TRAF3: variants seen among roughly 807,000 people sequenced by gnomAD.
TRAF3 encodes the protein TNF receptor-associated factor 3.
Under a neutral mutation model 62.3 loss-of-function variants are expected in TRAF3, and 13 were observed. The observed-to-expected ratio is 0.21, with a 90% CI of 0.14 to 0.33. TRAF3 has a LOEUF of 0.33. Ranked by LOEUF, TRAF3 falls within the 10% of genes least tolerant of loss-of-function variation. The pLI is 1.00. For missense variants in TRAF3, 440 were observed against 741.8 expected (o/e 0.59, Z 4.73); for synonymous variants, 269 against 283.4 (o/e 0.95, Z 0.51).
intron 1 of TRAF3, among the ~76,000 whole-genome samples, chr14:102,825,221 G>A (rs1008904576): frequency 6.6e-6 from 1 of 152,264 alleles, no homozygotes; most frequent in Non-Finnish European, 1.5e-5. Flanking sequence ...CTTTGCTGGA[G>A]CACCCACTGG....
chr14:102,843,365 C>T (rs1886494249), intron 2 of TRAF3, among the ~76,000 whole-genome samples: 1 of 151,966 alleles, frequency 6.6e-6, no homozygotes, highest in African/African-American at 2.4e-5. Flanking sequence ...GAGACAGGAT[C>T]TCACTCTAGT....
chr14:102,798,469 C>A (rs1438943442), intron 1 of TRAF3, among the ~76,000 whole-genome samples: 5 of 152,174 alleles, frequency 3.3e-5, no homozygotes, highest in African/African-American at 1.2e-4. Context: ...GAGACCTCAT[C>A]TCTATAAAAC....
intron 5 of TRAF3, 106 bp from the exon 6 acceptor site, chr14:102,876,252 G>T (rs994411546): frequency 1.6e-6 from 2 of 1,269,520 alleles, no homozygotes; most frequent in Non-Finnish European, 1.1e-6. Context: ...TCTAACAGCA[G>T]ATGAGAAACA....
At chr14:102,895,000 C>T (rs996237748) in intron 9 of TRAF3, 7 of 447,292 alleles carry the variant, frequency 1.6e-5, no homozygotes, top group African/African-American at 1.0e-4. Context: ...TCACAGCTGG[C>T]CTATTGACAA....
chr14:102,820,390 G>T (rs1304126894), intron 1 of TRAF3, among the ~76,000 whole-genome samples: 1 of 151,764 alleles, frequency 6.6e-6, no homozygotes, highest in Non-Finnish European at 1.5e-5. Context: ...CCTCTCTGCA[G>T]TCACACACTC....
rs756227944 is a variant in TRAF3, at chr14:102,907,637, G to C, written c.*1853G>C. The C allele has an allele frequency of 6.6e-6, 1 of 152,414 alleles. No individual in the cohort carries two copies. Among genetic ancestry groups the C allele is most frequent in the East Asian group, 1.9e-4 (1 of 5,184 alleles). The allele number at this position is 152,414 out of a possible 1,614,324, so 9.4% of individuals were successfully genotyped here. On this transcript the variant is annotated 3_prime_UTR_variant, in exon 12 of 12. Transcript: ENST00000392745. ...CTGCCTCGGCTCTCCCCGTGGCCGC[G>C]CGGGGACAGCTTGGTGGGTGCCCGG...
chr14:102,879,076 G>C (rs1300568170), intron 6 of TRAF3, among the ~76,000 whole-genome samples: 1 of 152,066 alleles, frequency 6.6e-6, no homozygotes, highest in East Asian at 1.9e-4. Context: ...GGCTGCAGAT[G>C]GGGGTGAGTT....
chr14:102,856,340 T>A (rs1045095591), intron 2 of TRAF3, among the ~76,000 whole-genome samples: 1 of 152,082 alleles, frequency 6.6e-6, no homozygotes. Context: ...GGGAAAGGGG[T>A]GGGCAGTATC....
chr14:102,894,621 C>T (rs1018148712), intron 9 of TRAF3, among the ~76,000 whole-genome samples: 8 of 151,982 alleles, frequency 5.3e-5, no homozygotes, highest in African/African-American at 1.2e-4. Context: ...TTGGATTCTT[C>T]GATTAAATAA....
chr14:102,871,831 C>T, intron 3 of TRAF3, 86 bp from the exon 4 acceptor site: 1 of 1,301,260 alleles, frequency 7.7e-7, no homozygotes, highest in East Asian at 2.3e-5. Flanking sequence ...GCAGACCTGA[C>T]CATAAAGTGA....
chr14:102,789,697 T>C (rs1897697898), intron 1 of TRAF3, among the ~76,000 whole-genome samples: 1 of 152,172 alleles, frequency 6.6e-6, no homozygotes, highest in African/African-American at 2.4e-5. Flanking sequence ...GGTTTGGGTT[T>C]GTATTTTCTT....
At chr14:102,842,393 G>C (rs1042780788) in intron 2 of TRAF3, among the ~76,000 whole-genome samples, 2 of 151,338 alleles carry the variant, frequency 1.3e-5, no homozygotes, top group African/African-American at 4.8e-5. Flanking sequence ...TACGACAGAA[G>C]AAAAGAGTTC....
intron 1 of TRAF3, among the ~76,000 whole-genome samples, chr14:102,823,639 T>A (rs1468072016): frequency 6.6e-6 from 1 of 152,208 alleles, no homozygotes; most frequent in African/African-American, 2.4e-5. Flanking sequence ...AACGTTTTCT[T>A]GTTGTTTTTT....
chr14:102,895,235 CAAGG>C, intron 9 of TRAF3: 11 of 375,008 alleles, frequency 2.9e-5, no homozygotes, highest in Middle Eastern at 3.6e-4. Context: ...ACGTATGAGG[CAAGG>C]AAGGAAGGAA....
chr14:102,852,474 G>T (rs1051547240), intron 2 of TRAF3, among the ~76,000 whole-genome samples: 2 of 152,170 alleles, frequency 1.3e-5, no homozygotes, highest in African/African-American at 4.8e-5. Context: ...CGTGTGTGAG[G>T]CTGCAGTTGT....
intron 1 of TRAF3, among the ~76,000 whole-genome samples, chr14:102,781,570 G>A (rs1269124381): frequency 6.6e-6 from 1 of 152,074 alleles, no homozygotes; most frequent in Non-Finnish European, 1.5e-5. Context: ...TGAAGTGGGA[G>A]GATCATTCTA....
At chr14:102,888,078 C>T (rs191451423) in intron 7 of TRAF3, among the ~76,000 whole-genome samples, 1 of 152,310 alleles carries the variant, frequency 6.6e-6, no homozygotes, top group East Asian at 1.9e-4. Context: ...CTCTAGTACA[C>T]TGAAAATAAC....
intron 3 of TRAF3, 135 bp downstream of exon 3, chr14:102,870,581 A>G: frequency 8.0e-7 from 1 of 1,257,674 alleles, no homozygotes; most frequent in Non-Finnish European, 1.1e-6. Context: ...CTCCGGGCCC[A>G]GCTTGTGAAT....
chr14:102,864,706 A>G (rs1887881090), intron 2 of TRAF3, among the ~76,000 whole-genome samples: 1 of 152,202 alleles, frequency 6.6e-6, no homozygotes, highest in African/African-American at 2.4e-5. Flanking sequence ...GGTTGAGGGC[A>G]TGTTAGTAAA....
Sources: allele counts gnomAD v4.1 joint callset (sites outside exome capture counted in the v4.1 genomes callset), GRCh38; gene constraint gnomAD v4.1.1; transcripts MANE v1.5; gene names NCBI Gene and HGNC (gene_info 2026-07-23, HGNC 2026-07-21).